ART4: variants seen among roughly 807,000 people sequenced by gnomAD.
ART4 encodes ecto-ADP-ribosyltransferase 4.
In ART4, 14 loss-of-function variants were observed where a neutral mutation model predicts 24.2. That is an observed-to-expected ratio of 0.58 (90% CI 0.38 to 0.90). The LOEUF (loss-of-function observed/expected upper bound fraction) is 0.90, where lower values mean the gene tolerates loss of function less well. ART4 is among the 40% of genes least tolerant of loss of function. ART4 has a pLI of 0.00. For synonymous variants in ART4, 145 were observed against 139.9 expected (o/e 1.04, Z -0.26); for missense variants, 356 against 366.6 (o/e 0.97, Z 0.24).
chr12:14,843,061 G>A lies in ART4; in HGVS notation c.53C>T (p.Pro18Leu), dbSNP rs1592252632. The change falls in exon 1 of 3, where the codon CCT becomes CTT. Residue 18 changes from proline to leucine, a missense_variant. Physicochemically the swap from Pro to Leu is moderately conservative, Grantham distance 98. Coordinates refer to ENST00000228936, the MANE Select transcript of ART4 (RefSeq NM_021071.4). ...CKKILLPTTVPPATMRIWLLG... is the reference protein window; with the variant it reads ...CKKILLPTTVLPATMRIWLLG... ...GAGCCAGATTCTCATCGTTGCAGGA[G>A]GTACAGTAGTTGGGAGAAGAATCTT... The A allele has an allele frequency of 6.2e-7, 1 of 1,614,194 alleles. No homozygotes were observed. The highest frequency in any genetic ancestry group is 2.2e-5 in the East Asian group (1 of 44,888).
rs565529824 is a variant in ART4 at position 14,833,381 on chromosome 12, T to C, written c.854-3919A>G. On this transcript the variant is annotated intron_variant, in intron 2 of 2. Transcript: ENST00000228936. ...ATGGATGAATCCCCTGAAACCAGTC[T>C]ATGGAGAATATTGTCCTGGAATTCT... Among the ~76,000 whole-genome samples the C allele has an allele frequency of 3.5e-4, 54 of 152,294 alleles. 1 individual carries two copies. Among genetic ancestry groups the C allele is most frequent in the Middle Eastern group, 3.4e-3 (1 of 294 alleles).
intron 2 of ART4, among the ~76,000 whole-genome samples, chr12:14,838,420 A>G (rs889169511): frequency 3.3e-4 from 50 of 152,316 alleles, no homozygotes; most frequent in African/African-American, 1.2e-3. Context: ...TTCCAAATTC[A>G]TGATGAGAAT....
chr12:14,836,868 C>A (rs1241897118), intron 2 of ART4, among the ~76,000 whole-genome samples: 1 of 152,170 alleles, frequency 6.6e-6, no homozygotes, highest in African/African-American at 2.4e-5. Context: ...CTTCCCTCTT[C>A]ACTTCAATTT....
At chr12:14,840,334 G>T in intron 2 of ART4, 111 bp downstream of exon 2, 1 of 873,578 alleles carries the variant, frequency 1.1e-6, no homozygotes, top group Non-Finnish European at 1.7e-6. Flanking sequence ...ATTACCGAAG[G>T]CTAGTTTTCA....
At chr12:14,833,467 G>T (rs1401889486) in intron 2 of ART4, among the ~76,000 whole-genome samples, 1 of 152,114 alleles carries the variant, frequency 6.6e-6, no homozygotes, top group Non-Finnish European at 1.5e-5. Context: ...ATAATTTTAC[G>T]CAAATCCCTT....
intron 1 of ART4, among the ~76,000 whole-genome samples, chr12:14,842,357 C>T (rs113218963): frequency 9.2e-5 from 14 of 152,206 alleles, no homozygotes; most frequent in African/African-American, 3.1e-4. Context: ...TATGATGAGA[C>T]GTCAGCTAGT....
intron 2 of ART4, among the ~76,000 whole-genome samples, chr12:14,836,775 C>A (rs1361612708): frequency 6.6e-6 from 1 of 152,130 alleles, no homozygotes; most frequent in Non-Finnish European, 1.5e-5. Context: ...TTTTACCTTC[C>A]CAGATAGTTT....
intron 1 of ART4, among the ~76,000 whole-genome samples, chr12:14,841,444 A>G (rs1863051578): frequency 6.6e-6 from 1 of 152,228 alleles, no homozygotes; most frequent in Non-Finnish European, 1.5e-5. Context: ...CATAGTAAGT[A>G]CTTTGAAGAA....
chr12:14,840,028 C>T (rs1296615051), intron 2 of ART4, among the ~76,000 whole-genome samples: 1 of 152,088 alleles, frequency 6.6e-6, no homozygotes, highest in African/African-American at 2.4e-5. Flanking sequence ...TTCCAGGGCC[C>T]CCATCACAAT....
At position 14,834,458 on chromosome 12, in the gene ART4, T is replaced by C. The variant is rs536694793; in HGVS notation, c.854-4996A>G. On this transcript the variant is annotated intron_variant, in intron 2 of 2. Transcript: ENST00000228936. Reference sequence around the variant, plus strand: ...TTCTAAGAGATTTTACATGCATTCATTCATTTTCTCCCCACTAGAATCGTA... The same window carrying C: ...TTCTAAGAGATTTTACATGCATTCACTCATTTTCTCCCCACTAGAATCGTA... Among the ~76,000 whole-genome samples the C allele has an allele frequency of 1.4e-4, 21 of 152,350 alleles. No homozygotes were observed. In the East Asian group the frequency reaches 3.7e-3, roughly 27 times the overall value.
intron 1 of ART4, 28 bp from the exon 2 acceptor site, chr12:14,841,181 A>T (rs764385453): frequency 6.5e-7 from 1 of 1,547,290 alleles, no homozygotes; most frequent in South Asian, 1.3e-5. Context: ...TCTTGAGTTT[A>T]ATTTTTCAAA....
intron 2 of ART4, among the ~76,000 whole-genome samples, chr12:14,830,166 CAT>C (rs1950385169): frequency 7.5e-6 from 1 of 132,636 alleles, no homozygotes; most frequent in African/African-American, 2.7e-5. Context: ...TCTAACTACA[CAT>C]ATACACCTTT....
In ART4 at chr12:14,843,215, C is replaced by T. The variant is rs986903210; in HGVS notation, c.-102G>A. 167 of 1,470,294 alleles carry T rather than the reference C, an allele frequency of 1.1e-4. No homozygotes were observed. The highest frequency in any genetic ancestry group is 2.8e-4 in the African/African-American group (20 of 72,072). 91.1% of individuals were successfully genotyped at this position (1,470,294 alleles called of 1,614,324 possible). Reference sequence around the variant, plus strand: ...GTTTTCTTTCAGTCTCATCCGTAACCGTTTTTTCCCCTGTCTATGCTGAGC... The same window carrying T: ...GTTTTCTTTCAGTCTCATCCGTAACTGTTTTTTCCCCTGTCTATGCTGAGC... On this transcript the variant is annotated 5_prime_UTR_variant, in exon 1 of 3. Transcript: ENST00000228936.
chr12:14,834,770 G>A (rs1950418595), intron 2 of ART4, among the ~76,000 whole-genome samples: 1 of 152,170 alleles, frequency 6.6e-6, no homozygotes, highest in African/African-American at 2.4e-5. Flanking sequence ...TGTTTCTATG[G>A]CAACCAGTAC....
intron 2 of ART4, among the ~76,000 whole-genome samples, chr12:14,836,931 T>C (rs1950434937): frequency 6.6e-6 from 1 of 152,130 alleles, no homozygotes; most frequent in African/African-American, 2.4e-5. Context: ...AAGGAGGCAC[T>C]TTCTCTTGGG....
At chr12:14,841,794 G>A (rs1423084957) in intron 1 of ART4, among the ~76,000 whole-genome samples, 1 of 152,222 alleles carries the variant, frequency 6.6e-6, no homozygotes, top group Non-Finnish European at 1.5e-5. Context: ...GAATGGGACC[G>A]ACTCGTTTGC....
At position 14,826,462 on chromosome 12, in the gene ART4, A is replaced by C. The variant is rs186300734; in HGVS notation, c.*2909T>G. ...GAGGACTTATTAAAACAGACTGTTC[A>C]ATTTCTGTAGTCTGTAGTCTGGGAT... is the stretch of plus-strand genomic sequence containing the variant. On this transcript the variant is annotated 3_prime_UTR_variant, in exon 3 of 3. Coordinates refer to ENST00000228936, the MANE Select transcript of ART4 (RefSeq NM_021071.4). 1 of 152,334 alleles carries C rather than the reference A, an allele frequency of 6.6e-6. No individual in the cohort carries two copies. Among genetic ancestry groups the C allele is most frequent in the East Asian group, 1.9e-4 (1 of 5,188 alleles). 9.4% of individuals were successfully genotyped at this position (152,334 alleles called of 1,614,324 possible).
chr12:14,841,259 A>G (rs1357151623), intron 1 of ART4, 106 bp from the exon 2 acceptor site: 5 of 996,090 alleles, frequency 5.0e-6, no homozygotes, highest in Non-Finnish European at 5.9e-6. Flanking sequence ...GGAAACCAAT[A>G]TTTACTGAAG....
rs56340844 is a variant in ART4 at position 14,840,856 on chromosome 12, G to C, written c.442C>G (p.Gln148Glu). 1 of 1,614,208 alleles carries C rather than the reference G, an allele frequency of 6.2e-7. No individual in the cohort carries two copies. Among genetic ancestry groups the C allele is most frequent in the South Asian group, 1.1e-5 (1 of 91,082 alleles). ...AAGTGGAATGAACGTTCATACTGCT[G>C]TGGAGTCCTGGCAACAGAGGCCATG... ...RAMASVARTP[Q>E]QYERSFHFKY... The change falls in exon 2 of 3, where the codon CAG becomes GAG. Residue 148 changes from glutamine (Q) to glutamate (E), a missense_variant. Transcript: ENST00000228936.
Sources: gnomAD v4.1 joint callset for allele counts (sites outside exome capture counted in the v4.1 genomes callset) on GRCh38, gnomAD v4.1.1 for gene constraint, MANE v1.5 for transcripts, NCBI Gene and HGNC (gene_info 2026-07-23, HGNC 2026-07-21) for gene names.